Variants in GPHN observed in about 807,000 individuals in gnomAD.
The protein encoded by GPHN is gephyrin.
Under a neutral mutation model 95.5 loss-of-function variants are expected in GPHN, and 17 were observed. That is an observed-to-expected ratio of 0.18 (90% CI 0.12 to 0.27). The LOEUF (loss-of-function observed/expected upper bound fraction) is 0.27, where lower values mean the gene tolerates loss of function less well. GPHN is among the 10% of genes least tolerant of loss of function. GPHN has a pLI of 1.00. For synonymous variants in GPHN, 320 were observed against 322.5 expected (o/e 0.99, Z 0.08); for missense variants, 660 against 978.1 (o/e 0.67, Z 4.34).
intron 2 of GPHN, among the ~76,000 whole-genome samples, chr14:66,739,141 A>G (rs1048583033): frequency 2.0e-5 from 3 of 151,814 alleles, no homozygotes; most frequent in African/African-American, 7.3e-5. Context: ...ATAACCAAAA[A>G]CTGAGCCTAG....
the GPHN span, among the ~76,000 whole-genome samples, chr14:67,405,315 T>C: frequency 1.3e-5 from 2 of 152,132 alleles, no homozygotes; most frequent in African/African-American, 4.8e-5. Context: ...TATGAATGTA[T>C]TATTTTTATC....
At chr14:66,691,417 C>T (rs1354756321) in intron 2 of GPHN, among the ~76,000 whole-genome samples, 2 of 151,824 alleles carry the variant, frequency 1.3e-5, no homozygotes, top group Non-Finnish European at 2.9e-5. Context: ...TCTCCTGACC[C>T]TGTGATTCAC....
intron 1 of GPHN, among the ~76,000 whole-genome samples, chr14:66,646,287 A>G (rs368074417): frequency 3.3e-5 from 5 of 152,312 alleles, no homozygotes; most frequent in African/African-American, 9.6e-5. Context: ...GCTGCTGTAA[A>G]AAAAGAAAAC....
intron 2 of GPHN, among the ~76,000 whole-genome samples, chr14:66,750,281 C>G (rs1278304849): frequency 6.6e-6 from 1 of 151,804 alleles, no homozygotes; most frequent in Non-Finnish European, 1.5e-5. Context: ...TGTTTAGATT[C>G]ATTTTTTTTG....
At chr14:67,616,746 T>C in the GPHN span, 2 of 152,086 alleles carry the variant, frequency 1.3e-5, no homozygotes, top group African/African-American at 2.4e-5. Flanking sequence ...GGATGCAACT[T>C]TAAACATGAA....
At chr14:66,647,094 C>T (rs2064795878) in intron 1 of GPHN, among the ~76,000 whole-genome samples, 1 of 147,678 alleles carries the variant, frequency 6.8e-6, no homozygotes, top group Non-Finnish European at 1.5e-5. Context: ...TTTTTAAAGT[C>T]AGGGTCTCAC....
At chr14:66,814,951 G>T (rs2079127037) in intron 3 of GPHN, among the ~76,000 whole-genome samples, 1 of 152,166 alleles carries the variant, frequency 6.6e-6, no homozygotes, top group African/African-American at 2.4e-5. Flanking sequence ...AAAATAGCCA[G>T]TACTGAAAAG....
the GPHN span, among the ~76,000 whole-genome samples, chr14:67,614,330 C>T: frequency 6.6e-6 from 1 of 152,216 alleles, no homozygotes; most frequent in East Asian, 1.9e-4. Flanking sequence ...TGCCACTACA[C>T]TGCCTTTGAG....
chr14:67,324,861 T>G, the GPHN span, among the ~76,000 whole-genome samples: 1 of 151,280 alleles, frequency 6.6e-6, no homozygotes, highest in Non-Finnish European at 1.5e-5. Flanking sequence ...AGTTCTTGGA[T>G]TGCAGGTGTA....
intron 8 of GPHN, among the ~76,000 whole-genome samples, chr14:66,960,281 C>CTT (rs199570344): frequency 0.013 from 1,891 of 142,694 alleles, 20 homozygotes; most frequent in Non-Finnish European, 0.018. Flanking sequence ...TTTTTCTTTT[C>CTT]TTTTTTTTTT....
At chr14:66,917,664 C>T (rs2065987274) in intron 6 of GPHN, among the ~76,000 whole-genome samples, 2 of 152,040 alleles carry the variant, frequency 1.3e-5, no homozygotes, top group Admixed American at 1.3e-4. Context: ...GATTGTATCC[C>T]TTACCTTCAT....
intron 1 of GPHN, among the ~76,000 whole-genome samples, chr14:66,561,913 G>A (rs1215293807): frequency 2.0e-5 from 3 of 151,970 alleles, no homozygotes; most frequent in Non-Finnish European, 2.9e-5. Context: ...ACCTTCTAGA[G>A]GCTGCCTGCA....
the GPHN span, among the ~76,000 whole-genome samples, chr14:67,272,699 C>T: frequency 6.6e-6 from 1 of 152,182 alleles, no homozygotes; most frequent in African/African-American, 2.4e-5. Context: ...CGCGCTGTCT[C>T]CCAGGCTGGA....
chr14:67,592,661 T>TC, the GPHN span: 2 of 1,607,382 alleles, frequency 1.2e-6, no homozygotes, highest in Non-Finnish European at 1.7e-6. Context: ...ACTTGGGATA[T>TC]CCCATGTGGT....
chr14:67,431,412 A>C, the GPHN span, among the ~76,000 whole-genome samples: 148 of 148,764 alleles, frequency 9.9e-4, no homozygotes, highest in Non-Finnish European at 1.7e-3. Flanking sequence ...AAAAAAAAAA[A>C]AAAAAAAAAC....
intron 9 of GPHN, among the ~76,000 whole-genome samples, chr14:67,005,774 A>T (rs1037621555): frequency 1.3e-5 from 2 of 151,970 alleles, no homozygotes; most frequent in East Asian, 3.8e-4. Context: ...CTTAATTTCC[A>T]TGTGACTTTT....
downstream of GPHN, among the ~76,000 whole-genome samples, chr14:67,183,172 G>T (rs571824943): frequency 2.0e-5 from 3 of 152,210 alleles, no homozygotes; most frequent in Non-Finnish European, 4.4e-5. Context: ...TAGGGGTGTC[G>T]TGGAAATTAA....
chr14:66,625,269 T>A (rs1317175376), intron 1 of GPHN, among the ~76,000 whole-genome samples: 1 of 152,078 alleles, frequency 6.6e-6, no homozygotes, highest in Non-Finnish European at 1.5e-5. Flanking sequence ...AGAGACAGGG[T>A]CTCACTATGT....
intron 10 of GPHN, among the ~76,000 whole-genome samples, chr14:67,054,674 AG>A (rs2075465574): frequency 6.6e-6 from 1 of 152,228 alleles, no homozygotes. Flanking sequence ...ACAAAGCTGA[AG>A]GCATCACATA....
Sources: allele counts gnomAD v4.1 joint callset (sites outside exome capture counted in the v4.1 genomes callset), GRCh38; gene constraint gnomAD v4.1.1; transcripts MANE v1.5; gene names NCBI Gene and HGNC (gene_info 2026-07-23, HGNC 2026-07-21).